The following RIMS2 variants were observed in gnomAD, a reference collection of about 807,000 sequenced individuals.
RIMS2 encodes the protein regulating synaptic membrane exocytosis protein 2.
A neutral mutation model predicts 174.4 loss-of-function variants in RIMS2; 59 were observed. The ratio of observed to expected loss-of-function variants is 0.34; its 90% CI spans 0.27 to 0.42. The LOEUF (loss-of-function observed/expected upper bound fraction) is 0.42, where lower values mean the gene tolerates loss of function less well. RIMS2 is among the 10% of genes least tolerant of loss of function. RIMS2 has a pLI of 1.00. For missense variants in RIMS2, 1,620 were observed against 1,666.3 expected, an observed-to-expected ratio of 0.97 and a Z score of 0.48; for synonymous variants, 606 against 572.5, an observed-to-expected ratio of 1.06 and a Z score of -0.84.
chr8:103,915,352 A>G, intron 6 of RIMS2, 143 bp from the exon 10 acceptor site: 1 of 477,552 alleles, frequency 2.1e-6, no homozygotes, highest in Non-Finnish European at 3.8e-6. Context: ...AATAGAGACA[A>G]TAAATTATTT....
intron 14 of RIMS2, among the ~76,000 whole-genome samples, chr8:103,952,021 G>A (rs919467754): frequency 1.5e-4 from 23 of 152,202 alleles, no homozygotes; most frequent in African/African-American, 5.3e-4. Flanking sequence ...CCACAGCTCA[G>A]CAAGGCCACT....
At chr8:104,185,984 G>A (rs766550256) in intron 19 of RIMS2, among the ~76,000 whole-genome samples, 106 of 151,670 alleles carry the variant, frequency 7.0e-4, no homozygotes, top group Non-Finnish European at 1.2e-3. Context: ...CAACCTAAGT[G>A]TCTGTCAATG....
At chr8:104,249,060 C>G (rs888120143) in intron 21 of RIMS2, among the ~76,000 whole-genome samples, 4 of 151,612 alleles carry the variant, frequency 2.6e-5, no homozygotes, top group Admixed American at 6.6e-5. Context: ...TCCCAAGTAG[C>G]TGGGACTACA....
At chr8:104,219,861 G>A (rs2099147536) in intron 19 of RIMS2, among the ~76,000 whole-genome samples, 1 of 151,978 alleles carries the variant, frequency 6.6e-6, no homozygotes, top group Non-Finnish European at 1.5e-5. Flanking sequence ...CTGATGTGAA[G>A]GAAGGACATT....
chr8:104,171,020 T>C (rs1429405874), intron 19 of RIMS2, among the ~76,000 whole-genome samples: 4 of 152,178 alleles, frequency 2.6e-5, no homozygotes, highest in African/African-American at 9.6e-5. Flanking sequence ...CTGAGAAGTC[T>C]GCTGTTAGTC....
Position 103,697,176 on chromosome 8 carries a change from G to T in RIMS2, c.267G>T (p.Ala89=), listed in dbSNP as rs780523576. The change falls in exon 2 of 24, where the codon GCG becomes GCT. Residue 89 remains alanine (A), a synonymous_variant. Transcript: ENST00000504942. ...AACAGCAAGAACAGAAGGGTGATGC[G>T]CCAACCTGTGGTATCTGCCACAAAA... 2.5e-6 allele frequency: 4 copies of T among 1,613,426 alleles called. 1 individual carries two copies. In the South Asian group the frequency reaches 4.4e-5, roughly 18 times the overall value.
chr8:104,057,221 C>G (rs149837131), intron 19 of RIMS2, among the ~76,000 whole-genome samples: 1 of 151,802 alleles, frequency 6.6e-6, no homozygotes, highest in African/African-American at 2.4e-5. Flanking sequence ...CACATGCTAC[C>G]GCCCCCAGCT....
chr8:104,093,271 C>T (rs1188914332), intron 19 of RIMS2, among the ~76,000 whole-genome samples, 200 bp from the exon 24 acceptor site: 1 of 152,008 alleles, frequency 6.6e-6, no homozygotes, highest in African/African-American at 2.4e-5. Context: ...ATTCTAATTA[C>T]TTTGCTAAAA....
rs775815429 is a variant in RIMS2, at chr8:103,652,711, G to A, written c.177-44375G>A. ...AACAAAATGAAAAGGAGCCCCAGAC[G>A]TAAGTAAGCTGATCTATATAGACTA... On this transcript the variant is annotated intron_variant, in intron 1 of 23. Coordinates refer to ENST00000504942, the Ensembl canonical transcript of RIMS2. The A allele has an allele frequency of 7.5e-6, 10 of 1,341,478 alleles. No individual in the cohort carries two copies. The highest frequency in any genetic ancestry group is 2.3e-5 in the South Asian group (2 of 87,146). The allele number at this position is 1,341,478 out of a possible 1,614,324, so 83.1% of individuals were successfully genotyped here. A position where few individuals can be genotyped will look rare whatever the true frequency, so the allele number is the denominator to read the frequency against.
chr8:103,672,640 G>A (rs1341676090), intron 1 of RIMS2, among the ~76,000 whole-genome samples: 1 of 152,020 alleles, frequency 6.6e-6, no homozygotes, highest in African/African-American at 2.4e-5. Flanking sequence ...ATAGCACCAA[G>A]CCATGAGGGA....
intron 1 of RIMS2, among the ~76,000 whole-genome samples, chr8:103,630,662 A>G (rs1168851063): frequency 1.3e-5 from 2 of 151,736 alleles, no homozygotes; most frequent in Non-Finnish European, 1.5e-5. Context: ...ATGATAAGTC[A>G]CACACACACA....
intron 1 of RIMS2, among the ~76,000 whole-genome samples, chr8:103,673,485 C>G (rs772070595): frequency 3.9e-5 from 6 of 152,206 alleles, no homozygotes; most frequent in Non-Finnish European, 7.3e-5. Flanking sequence ...CTCTGTGTGC[C>G]TGCAATCTTA....
intron 1 of RIMS2, among the ~76,000 whole-genome samples, chr8:103,581,617 C>T (rs2093623834): frequency 6.6e-6 from 1 of 152,108 alleles, no homozygotes. Context: ...AGTGAAAGTC[C>T]TGGCCAGAGC....
chr8:103,952,401 T>C (rs1279906002), intron 14 of RIMS2, among the ~76,000 whole-genome samples: 2 of 152,070 alleles, frequency 1.3e-5, no homozygotes, highest in Non-Finnish European at 2.9e-5. Context: ...GGACAAAGCT[T>C]CCAGAGGAAG....
At chr8:104,088,861 T>G (rs1214364720) in intron 19 of RIMS2, among the ~76,000 whole-genome samples, 1 of 152,038 alleles carries the variant, frequency 6.6e-6, no homozygotes, top group East Asian at 1.9e-4. Flanking sequence ...AATAATAGCC[T>G]TCTTTTCAAT....
chr8:103,785,548 T>C (rs1231096450), intron 3 of RIMS2, among the ~76,000 whole-genome samples: 12 of 151,920 alleles, frequency 7.9e-5, no homozygotes, highest in East Asian at 1.9e-4. Flanking sequence ...TTGTCTTTGG[T>C]TCTGTTTATA....
At chr8:103,791,546 A>G (rs566042046) in intron 3 of RIMS2, among the ~76,000 whole-genome samples, 4 of 152,300 alleles carry the variant, frequency 2.6e-5, no homozygotes, top group South Asian at 4.1e-4. Flanking sequence ...CATCATAATG[A>G]CAGGATAAAA....
chr8:103,910,620 CA>C, intron 5 of RIMS2, 91 bp downstream of exon 8: 1 of 716,408 alleles, frequency 1.4e-6, no homozygotes, highest in Non-Finnish European at 2.3e-6. Context: ...AATAAAAGGA[CA>C]GGGCATCTCA....
intron 14 of RIMS2, 28 bp from the exon 17 acceptor site, chr8:103,961,037 T>G: frequency 8.5e-7 from 1 of 1,176,820 alleles, no homozygotes. Flanking sequence ...ATCAGAATTT[T>G]TAATTATTGC....
Sources: gnomAD v4.1 joint callset for allele counts (sites outside exome capture counted in the v4.1 genomes callset) on GRCh38, gnomAD v4.1.1 for gene constraint, MANE v1.5 for transcripts, NCBI Gene and HGNC (gene_info 2026-07-23, HGNC 2026-07-21) for gene names.